The following TTN variants were observed in gnomAD, a reference collection of about 807,000 sequenced individuals.
TTN encodes connectin.
Under a neutral mutation model 3,223.0 loss-of-function variants are expected in TTN, and 1,525 were observed. The ratio of observed to expected loss-of-function variants is 0.47; its 90% CI spans 0.45 to 0.49. The LOEUF (loss-of-function observed/expected upper bound fraction) is 0.49, where lower values mean the gene tolerates loss of function less well. Among genes scored for constraint, TTN ranks in the 20% least tolerant of loss-of-function variants. The pLI is 0.00. For missense variants in TTN, 40,786 were observed against 43,424.0 expected, an observed-to-expected ratio of 0.94 and a Z score of 5.40; for synonymous variants, 14,094 against 15,161.0, an observed-to-expected ratio of 0.93 and a Z score of 5.17.
chr2:178,572,877 C>A lies in TTN; in HGVS notation c.73255G>T (p.Ala24419Ser). 1 of 1,613,406 alleles carries A rather than the reference C, an allele frequency of 6.2e-7. No homozygotes were observed. The highest frequency in any genetic ancestry group is 8.5e-7 in the Non-Finnish European group (1 of 1,179,594). The change falls in exon 326 of 363, where the codon GCT (alanine) becomes TCT (serine). Residue 24419 changes from alanine to serine, a missense_variant. Ala to Ser is a moderately conservative substitution (Grantham distance 99). Transcript: ENST00000589042. ...TCTGGAGGCAGCATTCTGTCTTCAG[C>A]CTTTGGAGTTCCAGGAACAAGGGCA... ...EPALVPGTPK[A>S]EDRMLPPEIE...
chr2:178,634,178 T>C lies in TTN; in HGVS notation c.42416-95A>G. 2.2e-5 allele frequency: 33 copies of C among 1,526,044 alleles called. No individual in the cohort carries two copies. Among genetic ancestry groups the C allele is most frequent in the Non-Finnish European group, 2.8e-5 (32 of 1,140,858 alleles). 94.5% of individuals were successfully genotyped at this position (1,526,044 alleles called of 1,614,324 possible). ...CTGAGTAAAAGGGACCCATTTCACA[T>C]GGCACTTATTTATTCATCTTTCCAA... On this transcript the variant is annotated intron_variant, in intron 230 of 362. Transcript: ENST00000589042. The surrounding 1 kb of genome is among the most constrained non-coding windows in gnomAD (Gnocchi z 4.6).
chr2:178,698,365 A>C (rs1650355335), intron 112 of TTN, among the ~76,000 whole-genome samples: 1 of 142,422 alleles, frequency 7.0e-6, no homozygotes, highest in Non-Finnish European at 1.6e-5. Context: ...AAAATCGCTA[A>C]GAGTAAATTT....
intron 46 of TTN, chr2:178,753,778 G>C (rs1401095477): frequency 6.6e-6 from 1 of 152,348 alleles, no homozygotes; most frequent in Non-Finnish European, 1.5e-5. Context: ...TGGGGCTCTC[G>C]TATCACTCTC....
chr2:178,751,922 G>T (rs1267274036), intron 47 of TTN: 3 of 1,588,086 alleles, frequency 1.9e-6, no homozygotes, highest in East Asian at 4.5e-5. Context: ...GCTTGTAGAT[G>T]ATATTCTACT....
At chr2:178,753,304 A>C in intron 46 of TTN, 124 bp from the exon 47 acceptor site, 1 of 718,330 alleles carries the variant, frequency 1.4e-6, no homozygotes, top group Non-Finnish European at 2.3e-6. Flanking sequence ...CATTCCCCAA[A>C]TTTACCAAAA....
chr2:178,597,189 C>T (rs2051933569), intron 294 of TTN, among the ~76,000 whole-genome samples: 1 of 152,004 alleles, frequency 6.6e-6, no homozygotes, highest in African/African-American at 2.4e-5. Flanking sequence ...TATAAAAAAG[C>T]CATATTTATT....
chr2:178,675,713 G>T lies in TTN; in HGVS notation c.34495C>A (p.Pro11499Thr). 3 of 1,429,762 alleles carry T rather than the reference G, an allele frequency of 2.1e-6. No homozygotes were observed. Among genetic ancestry groups the T allele is most frequent in the African/African-American group, 2.9e-5 (2 of 69,616 alleles). 88.6% of individuals were successfully genotyped at this position (1,429,762 alleles called of 1,614,324 possible). A position where few individuals can be genotyped will look rare whatever the true frequency, so the allele number is the denominator to read the frequency against. ...PKKPEPEKKV[P>T]PPGLKKAVAP... Reference sequence around the variant, plus strand: ...ACTGCTTTCTTAAGACCAGGAGGAGGGACCTTCTTTTCTGGCTCAGGTTTC... The same window carrying T: ...ACTGCTTTCTTAAGACCAGGAGGAGTGACCTTCTTTTCTGGCTCAGGTTTC... The change falls in exon 149 of 363, where the codon CCT becomes ACT. Residue 11499 changes from proline to threonine, a missense_variant. By Grantham distance (38) the Pro-to-Thr change is conservative (BLOSUM62 -1). Transcript: ENST00000589042.
Position 178,583,173 on chromosome 2 carries a change from G to A in TTN, c.65630C>T (p.Ala21877Val). ...AGCATCCAAGCAGACATTAGTTCCA[G>A]CTTTCACAGTAAGCAAAGATTTCAT... ...VAMKSLLTVK[A>V]GTNVCLDATV... is the part of the protein sequence containing the mutation. The change falls in exon 313 of 363, where the codon GCT (alanine) becomes GTT (valine). Residue 21877 changes from alanine (A) to valine (V), a missense_variant. Ala to Val is a moderately conservative substitution (Grantham distance 64). Coordinates refer to ENST00000589042, the MANE Select transcript of TTN (RefSeq NM_001267550.2). 6.2e-7 allele frequency: 1 copy of A among 1,611,532 alleles called. No homozygotes were observed. Among genetic ancestry groups the A allele is most frequent in the Non-Finnish European group, 8.5e-7 (1 of 1,178,480 alleles).
chr2:178,671,863 A>G, intron 155 of TTN, 108 bp downstream of exon 155: 2 of 1,197,566 alleles, frequency 1.7e-6, no homozygotes, highest in Non-Finnish European at 2.3e-6. Context: ...CTCATGTTTA[A>G]AGTATTTCAT....
intron 71 of TTN, 137 bp downstream of exon 71, chr2:178,725,231 G>T: frequency 2.2e-6 from 2 of 923,364 alleles, no homozygotes; most frequent in Non-Finnish European, 2.9e-6. Flanking sequence ...GATCAACTAT[G>T]TCTTTCCTCT....
rs1343493431 is a variant in TTN, at chr2:178,795,138, G to A, written c.1029C>T (p.Pro343=). 2 of 1,614,138 alleles carry A rather than the reference G, an allele frequency of 1.2e-6. No individual in the cohort carries two copies. The highest frequency in any genetic ancestry group is 2.2e-5 in the East Asian group (1 of 44,878). The change falls in exon 7 of 363, where the codon CCC becomes CCT. Residue 343 remains proline (P), a synonymous_variant. Coordinates refer to ENST00000589042, the MANE Select transcript of TTN (RefSeq NM_001267550.2). The part of the protein sequence containing the change: ...STVATGPEVP[P]PWKQEGYVAS... ...CCACGTAGCCCTCTTGCTTCCAAGG[G>A]GGAGGCACTTCAGGACCTGTGGCCA... is the stretch of plus-strand genomic sequence containing the variant.
In TTN at chr2:178,759,045, G is replaced by A. The variant is rs45447891; in HGVS notation, c.10242C>T (p.Tyr3414=). Residue 3414 remains tyrosine (Y), a synonymous_variant, in exon 44 of 363, where the codon TAC becomes TAT. Transcript: ENST00000589042. The stretch of plus-strand genomic sequence containing the variant: ...CTACAGCATTACTAGCAACAAACGT[G>A]TAAGTTCCTTCATCTTCTGGATAAG... ...AEAYPEDEGT[Y]TFVASNAVGQ... 7.1e-3 allele frequency: 11,510 copies of A among 1,613,972 alleles called. 48 individuals are homozygous for A. Among genetic ancestry groups the A allele is most frequent in the Non-Finnish European group, 8.6e-3 (10,110 of 1,179,914 alleles).
At chr2:178,662,453 A>T (rs764075066) in intron 176 of TTN, 35 bp from the exon 177 acceptor site, 5 of 1,284,444 alleles carry the variant, frequency 3.9e-6, no homozygotes, top group Non-Finnish European at 5.1e-6. Flanking sequence ...ACTTAGGTTA[A>T]TGAAGAGGAA....
chr2:178,701,727 T>A, intron 109 of TTN, 140 bp from the exon 110 acceptor site: 1 of 879,122 alleles, frequency 1.1e-6, no homozygotes, highest in Non-Finnish European at 1.7e-6. Context: ...CAAAATAATA[T>A]TAGTATTCTT....
rs772842119 is a variant in TTN, at chr2:178,561,877, G to T, written c.84255C>A (p.Cys28085Ter). The change falls in exon 326 of 363, where the codon TGC becomes TGA. Residue 28085 changes from cysteine to a stop codon, truncating the protein, a stop_gained. Transcript: ENST00000589042. LOFTEE classifies it high-confidence loss of function. ...TTTCAACAATGTAATTGCTAATTTG[G>T]CAGCCACCATCATATTCTGGAGGAT... ...SWNPPEYDGG[C>*]QISNYIVEKK... 6.2e-7 allele frequency: 1 copy of T among 1,613,452 alleles called. No homozygotes were observed. Among genetic ancestry groups the T allele is most frequent in the Non-Finnish European group, 8.5e-7 (1 of 1,179,724 alleles).
chr2:178,579,159 G>T lies in TTN; in HGVS notation c.67871C>A (p.Thr22624Lys), dbSNP rs761798459. ...CTTGGTGCCAGCAACATTCTTAAGT[G>T]TGATTGTGTATTTTCCAGCATCAGA... ...QKSDAGKYTITLKNVAGTKEG... is the reference protein window; with the variant it reads ...QKSDAGKYTIKLKNVAGTKEG... The change falls in exon 320 of 363, where the codon ACA (threonine) becomes AAA (lysine). Residue 22624 changes from threonine to lysine, a missense_variant. Thr to Lys is a moderately conservative substitution (Grantham distance 78, BLOSUM62 -1). Transcript: ENST00000589042. The T allele has an allele frequency of 6.2e-7, 1 of 1,613,362 alleles. No homozygotes were observed. The highest frequency in any genetic ancestry group is 8.5e-7 in the Non-Finnish European group (1 of 1,179,528).
At chr2:178,538,329 G>T in intron 354 of TTN, 2 of 517,428 alleles carry the variant, frequency 3.9e-6, no homozygotes, top group Non-Finnish European at 6.7e-6. Context: ...CAAGGAAAGT[G>T]CTCAGTTCAC....
At chr2:178,721,788 T>C in intron 78 of TTN, 59 bp downstream of exon 78, 1 of 1,434,144 alleles carries the variant, frequency 7.0e-7, no homozygotes. Flanking sequence ...GAAACTTTTA[T>C]AAGACAATTA....
chr2:178,631,335 A>T, intron 236 of TTN, 35 bp from the exon 237 acceptor site: 1 of 1,570,084 alleles, frequency 6.4e-7, no homozygotes, highest in Non-Finnish European at 8.6e-7. Flanking sequence ...GCTTTTATTA[A>T]TCACCTTAGG....
Sources: allele counts gnomAD v4.1 joint callset (sites outside exome capture counted in the v4.1 genomes callset), GRCh38; gene constraint gnomAD v4.1.1; non-coding constraint Gnocchi (gnomAD v3.1); transcripts MANE v1.5; gene names NCBI Gene and HGNC (gene_info 2026-07-23, HGNC 2026-07-21).